The following CEMIP variants were observed in gnomAD, a reference collection of about 807,000 sequenced individuals.
CEMIP encodes the protein cell migration inducing hyaluronidase 1, also known as cell migration-inducing and hyaluronan-binding protein.
CEMIP carries 105 observed loss-of-function variants against 156.9 expected under a neutral mutation model. The ratio of observed to expected loss-of-function variants is 0.67; its 90% CI spans 0.57 to 0.79. CEMIP has a LOEUF of 0.79. Among genes scored for constraint, CEMIP ranks in the 30% least tolerant of loss-of-function variants. The pLI is 0.00. For missense variants in CEMIP, 1,457 were observed against 1,769.4 expected (o/e 0.82, Z 3.17); for synonymous variants, 676 against 668.4 (o/e 1.01, Z -0.17).
rs772278951 is a variant in CEMIP, at chr15:80,929,021, G to A, written c.2459G>A (p.Gly820Asp). ...DNGIGLTLAS[G>D]GTFPYDDGSK... is the part of the protein sequence containing the mutation. ...CCTTAAACATCTTCTCTCTACAGTG[G>A]TGGAACCTTCCCGTATGACGACGGC... The change falls in exon 21 of 30, where the codon GGT (glycine) becomes GAT (aspartate). Residue 820 changes from glycine to aspartate, a missense_variant and splice_region_variant. Gly to Asp is a moderately conservative substitution (Grantham distance 94). Transcript: ENST00000394685. The A allele has an allele frequency of 6.2e-7, 1 of 1,614,210 alleles. No homozygotes were observed. The highest frequency in any genetic ancestry group is 8.5e-7 in the Non-Finnish European group (1 of 1,180,040).
intron 1 of CEMIP, among the ~76,000 whole-genome samples, chr15:80,827,831 T>A (rs78431850): frequency 0.027 from 4,063 of 152,270 alleles, 97 homozygotes; most frequent in Middle Eastern, 0.075. Context: ...AACTGTGGAA[T>A]TCCCAAGCTG....
intron 1 of CEMIP, among the ~76,000 whole-genome samples, chr15:80,873,194 T>C (rs1026334368): frequency 6.6e-6 from 1 of 152,204 alleles, no homozygotes; most frequent in South Asian, 2.1e-4. Context: ...TGTGCCCAGA[T>C]AAAAACCAGG....
chr15:80,911,292 G>A (rs1279411839), intron 14 of CEMIP, among the ~76,000 whole-genome samples: 2 of 152,192 alleles, frequency 1.3e-5, no homozygotes. Flanking sequence ...TGGAGGTCAG[G>A]ATACATGGTG....
rs974917423 is a variant in CEMIP, at chr15:80,906,941, G to A, written c.1587+103G>A. On this transcript the variant is annotated intron_variant, in intron 13 of 29. Transcript: ENST00000394685. This position sits in a 1 kb window ranked among gnomAD's most constrained non-coding sequence, Gnocchi z 4.3. ...GGTAGGGATGAGGGTGGGGGAACAG[G>A]AGGTGGGATCAAGGGGAGGGCGCCT... 1.1e-5 allele frequency: 15 copies of A among 1,325,930 alleles called. No homozygotes were observed. Among genetic ancestry groups the A allele is most frequent in the Non-Finnish European group, 1.6e-5 (15 of 945,274 alleles). 82.1% of individuals were successfully genotyped at this position (1,325,930 alleles called of 1,614,324 possible). A position where few individuals can be genotyped will look rare whatever the true frequency, so the allele number is the denominator to read the frequency against.
intron 1 of CEMIP, among the ~76,000 whole-genome samples, chr15:80,804,009 C>G (rs1896447328): frequency 6.6e-6 from 1 of 152,194 alleles, no homozygotes; most frequent in African/African-American, 2.4e-5. Flanking sequence ...AAAGGAGAAG[C>G]AAAGGCACAT....
chr15:80,944,209 G>A (rs1371768212), intron 28 of CEMIP, among the ~76,000 whole-genome samples: 1 of 152,198 alleles, frequency 6.6e-6, no homozygotes, highest in African/African-American at 2.4e-5. Flanking sequence ...GAACCCAGGA[G>A]GCGGACGTTG....
At chr15:80,930,299 T>C (rs1567107055) in intron 21 of CEMIP, among the ~76,000 whole-genome samples, 3 of 152,224 alleles carry the variant, frequency 2.0e-5, no homozygotes, top group Non-Finnish European at 4.4e-5. Flanking sequence ...TTTCAGCATG[T>C]GTATGAGTGA....
At chr15:80,879,391 A>T (rs1055038455) in intron 4 of CEMIP, among the ~76,000 whole-genome samples, 1 of 152,194 alleles carries the variant, frequency 6.6e-6, no homozygotes, top group Non-Finnish European at 1.5e-5. Context: ...ACATTGAACT[A>T]GGTATTATAA....
intron 1 of CEMIP, among the ~76,000 whole-genome samples, chr15:80,817,292 AATG>A (rs1183437339): frequency 6.6e-6 from 1 of 152,006 alleles, no homozygotes; most frequent in Non-Finnish European, 1.5e-5. Context: ...GATTTGCATA[AATG>A]ATGTGTGAGT....
At chr15:80,934,961 A>G (rs1901062362) in intron 23 of CEMIP, among the ~76,000 whole-genome samples, 1 of 152,206 alleles carries the variant, frequency 6.6e-6, no homozygotes, top group Non-Finnish European at 1.5e-5. Context: ...AGAGTGGAAA[A>G]TGTTGACAAG....
At chr15:80,938,169 G>A in intron 25 of CEMIP, 190 bp downstream of exon 25, 1 of 580,764 alleles carries the variant, frequency 1.7e-6, no homozygotes, top group South Asian at 2.0e-5. Context: ...AGCTTTAAAA[G>A]TAAAATAAAC....
chr15:80,808,773 C>T (rs745992343), intron 1 of CEMIP, among the ~76,000 whole-genome samples: 23 of 117,864 alleles, frequency 2.0e-4, no homozygotes, highest in Admixed American at 4.7e-4. Flanking sequence ...AGCGAAATAA[C>T]ATATGGGGAA....
chr15:80,801,092 AT>A (rs1896364455), intron 1 of CEMIP, among the ~76,000 whole-genome samples: 1 of 152,194 alleles, frequency 6.6e-6, no homozygotes, highest in African/African-American at 2.4e-5. Context: ...GCAAACTACC[AT>A]TCATTCTTCC....
Position 80,873,895 on chromosome 15 carries a change from A to C in CEMIP, c.16A>C (p.Arg6=). The C allele has an allele frequency of 1.3e-6, 2 of 1,579,476 alleles. No individual in the cohort carries two copies. Among genetic ancestry groups the C allele is most frequent in the Non-Finnish European group, 1.7e-6 (2 of 1,160,998 alleles). The stretch of plus-strand genomic sequence containing the variant: ...CACTGCCAGGATGGGAGCTGCTGGG[A>C]GGCAGGACTTCCTCTTCAAGGCCAT... MGAAG[R]QDFLFKAMLT... is the part of the protein sequence containing the mutation. The change falls in exon 3 of 30, where the codon AGG becomes CGG. Residue 6 remains arginine, a synonymous_variant. Coordinates refer to ENST00000394685, the MANE Select transcript of CEMIP (RefSeq NM_001293298.2).
intron 1 of CEMIP, chr15:80,842,027 G>A (rs1393258130): frequency 1.4e-5 from 7 of 494,130 alleles, no homozygotes; most frequent in Non-Finnish European, 2.8e-5. Context: ...ATTTGAGACA[G>A]TGACAACTAT....
chr15:80,828,920 A>T (rs1897096123), intron 1 of CEMIP, among the ~76,000 whole-genome samples: 1 of 152,226 alleles, frequency 6.6e-6, no homozygotes, highest in South Asian at 2.1e-4. Flanking sequence ...CTGGAATTTC[A>T]GTCTGAGTTC....
Position 80,878,754 on chromosome 15 carries a change from T to G in CEMIP, c.128T>G (p.Leu43Trp). The change falls in exon 4 of 30, where the codon TTG (leucine) becomes TGG (tryptophan). Residue 43 changes from leucine (L) to tryptophan (W), a missense_variant. Around this residue, in one of 5 missense-constraint regions of CEMIP, gnomAD observed 309 missense variants for 340.8 expected, o/e 0.91. Coordinates refer to ENST00000394685, the MANE Select transcript of CEMIP (RefSeq NM_001293298.2). The stretch of plus-strand genomic sequence containing the variant: ...GGGTGCCCTGACCAGAGCCCTGAGT[T>G]GCAACCCTGGAACCCTGGCCATGAC... ...AAGCPDQSPELQPWNPGHDQD... is the reference protein window; with the variant it reads ...AAGCPDQSPEWQPWNPGHDQD... 6.2e-7 allele frequency: 1 copy of G among 1,614,180 alleles called. No individual in the cohort carries two copies. The highest frequency in any genetic ancestry group is 1.3e-5 in the African/African-American group (1 of 75,038).
chr15:80,837,738 T>C (rs1387620192), intron 1 of CEMIP, among the ~76,000 whole-genome samples: 1 of 152,244 alleles, frequency 6.6e-6, no homozygotes, highest in Non-Finnish European at 1.5e-5. Flanking sequence ...GGGGACATTA[T>C]TAGTGTCATT....
At chr15:80,793,554 C>T (rs1896137955) in intron 1 of CEMIP, among the ~76,000 whole-genome samples, 1 of 152,098 alleles carries the variant, frequency 6.6e-6, no homozygotes. Context: ...CTTAGATGAG[C>T]CCTTCCTAAA....
Sources: allele counts gnomAD v4.1 joint callset (sites outside exome capture counted in the v4.1 genomes callset), GRCh38; gene constraint gnomAD v4.1.1; regional missense constraint gnomAD v4.1.1; non-coding constraint Gnocchi (gnomAD v3.1); transcripts MANE v1.5; gene names NCBI Gene and HGNC (gene_info 2026-07-23, HGNC 2026-07-21).